Variants in PPP2R5C observed in about 807,000 individuals in gnomAD.
PPP2R5C encodes protein phosphatase 2 regulatory subunit B'gamma.
A neutral mutation model predicts 68.9 loss-of-function variants in PPP2R5C; 7 were observed. The ratio of observed to expected loss-of-function variants is 0.10; its 90% CI spans 0.06 to 0.19. The LOEUF (loss-of-function observed/expected upper bound fraction) is 0.19. Ranked by LOEUF, PPP2R5C falls within the 10% of genes least tolerant of loss-of-function variation. The pLI is 1.00. For synonymous variants in PPP2R5C, 210 were observed against 222.2 expected (o/e 0.95, Z 0.49); for missense variants, 348 against 641.3 (o/e 0.54, Z 4.94).
At chr14:101,810,233 A>C (rs1404187490) in intron 1 of PPP2R5C, 4 of 589,652 alleles carry the variant, frequency 6.8e-6, no homozygotes, top group East Asian at 5.9e-5. Context: ...TGAGGCTTGA[A>C]AGAGGCCTTG....
rs551234003 is a variant in PPP2R5C, at chr14:101,818,905, G to T, written c.94+8869G>T. 53 of 1,051,176 alleles carry T rather than the reference G, an allele frequency of 5.0e-5. 1 individual carries two copies. The South Asian group carries it at 7.1e-4, about 14-fold the overall frequency. The allele number at this position is 1,051,176 out of a possible 1,614,324, so 65.1% of individuals were successfully genotyped here. On this transcript the variant is annotated intron_variant, in intron 1 of 13. Coordinates refer to ENST00000334743, the Ensembl canonical transcript of PPP2R5C. ...CTCGTTATAATACACATGGATTTTT[G>T]TCTGCTGGTTGTGTTACTCATGAGC... is the stretch of plus-strand genomic sequence containing the variant.
intron 2 of PPP2R5C, among the ~76,000 whole-genome samples, chr14:101,876,991 C>A (rs1160303092): frequency 7.1e-6 from 1 of 141,578 alleles, no homozygotes; most frequent in Non-Finnish European, 1.5e-5. Flanking sequence ...CTCTATTGCC[C>A]AGGCTGGAGT....
chr14:101,833,883 C>T (rs914442436), intron 1 of PPP2R5C, among the ~76,000 whole-genome samples: 4 of 152,164 alleles, frequency 2.6e-5, no homozygotes, highest in African/African-American at 4.8e-5. Context: ...CTCACTGCAA[C>T]CTCTGCCTCC....
chr14:101,913,947 C>A lies in PPP2R5C; in HGVS notation c.1326+1474C>A, dbSNP rs2046519962. Among the ~76,000 whole-genome samples the A allele has an allele frequency of 6.6e-6, 1 of 152,206 alleles. No homozygotes were observed. Among genetic ancestry groups the A allele is most frequent in the African/African-American group, 2.4e-5 (1 of 41,446 alleles). On this transcript the variant is annotated intron_variant, in intron 12 of 13. Coordinates refer to ENST00000334743, the Ensembl canonical transcript of PPP2R5C. The surrounding 1 kb of genome is among the most constrained non-coding windows in gnomAD (Gnocchi z 4.1). ...TTATGTACCTAGAATATAGAGATAA[C>A]TTATTGAAAAATTGCATAAAATTGT...
chr14:101,776,341 C>CT (rs1034891229), intron 2 of PPP2R5C, among the ~76,000 whole-genome samples: 11 of 151,296 alleles, frequency 7.3e-5, no homozygotes, highest in East Asian at 1.9e-4. Context: ...GAATCAAGTC[C>CT]TTTTTTTTTA....
intron 2 of PPP2R5C, among the ~76,000 whole-genome samples, chr14:101,763,528 A>C (rs912370840): frequency 1.3e-5 from 2 of 151,836 alleles, no homozygotes; most frequent in African/African-American, 2.4e-5. Context: ...GATTACAGGC[A>C]CCCGCTACCA....
chr14:101,856,168 C>T (rs965136946), intron 1 of PPP2R5C, among the ~76,000 whole-genome samples: 4 of 152,148 alleles, frequency 2.6e-5, no homozygotes, highest in East Asian at 3.8e-4. Context: ...ATCTAGCAAG[C>T]GTGGACAACC....
intron 1 of PPP2R5C, chr14:101,819,449 G>A (rs976123781): frequency 5.1e-6 from 1 of 197,376 alleles, no homozygotes; most frequent in Non-Finnish European, 1.1e-5. Context: ...TCATCGAGCA[G>A]GACAGCGGTG....
intron 1 of PPP2R5C, among the ~76,000 whole-genome samples, chr14:101,841,221 T>G (rs1402381769): frequency 6.6e-6 from 1 of 152,200 alleles, no homozygotes; most frequent in Non-Finnish European, 1.5e-5. Context: ...GCCTGAGTTC[T>G]TAACACCTTT....
intron 5 of PPP2R5C, among the ~76,000 whole-genome samples, chr14:101,885,850 A>G (rs2140921007): frequency 6.6e-6 from 1 of 152,398 alleles, no homozygotes; most frequent in African/African-American, 2.4e-5. Flanking sequence ...ATTATTTAAC[A>G]TACAACAGGT....
intron 1 of PPP2R5C, among the ~76,000 whole-genome samples, chr14:101,847,802 A>C (rs1372109623): frequency 6.6e-6 from 1 of 151,896 alleles, no homozygotes; most frequent in East Asian, 1.9e-4. Context: ...AACTGGGACT[A>C]CAGGCACATG....
At chr14:101,901,603 C>T (rs1477562400) in intron 8 of PPP2R5C, 116 bp from the exon 11 acceptor site, 3 of 993,764 alleles carry the variant, frequency 3.0e-6, no homozygotes, top group African/African-American at 3.3e-5. Flanking sequence ...GAAGATGGCA[C>T]CATCTCCGTG....
rs11325673 is a variant in PPP2R5C, at chr14:101,924,445, C to CTTTTTTTTTTTT, written c.1444-695_1444-684dup. ...TTTACCTCCAAGGAAATTTCTACATCTTTTTTTTTTTTGAGATGGAGTCTG... is the reference window on the plus strand; with the variant it reads ...TTTACCTCCAAGGAAATTTCTACATCTTTTTTTTTTTTTTTTTTTTTTTTGAGATGGAGTCTG... On this transcript the variant is annotated intron_variant, in intron 13 of 13. Transcript: ENST00000334743. Among the ~76,000 whole-genome samples the CTTTTTTTTTTTT allele has an allele frequency of 1.4e-3, 121 of 84,480 alleles. 27 individuals are homozygous for CTTTTTTTTTTTT. Among genetic ancestry groups the CTTTTTTTTTTTT allele is most frequent in the Non-Finnish European group, 2.2e-3 (83 of 38,504 alleles). The allele number at this position is 84,480 out of a possible 152,430, so 55.4% of individuals were successfully genotyped here. A position where few individuals can be genotyped will look rare whatever the true frequency, so the allele number is the denominator to read the frequency against.
chr14:101,845,473 C>G (rs1034808354), intron 1 of PPP2R5C, among the ~76,000 whole-genome samples: 1 of 152,188 alleles, frequency 6.6e-6, no homozygotes, highest in Admixed American at 6.5e-5. Context: ...TCCACCCCAC[C>G]CTTCCCCACC....
chr14:101,866,396 AC>A (rs1410826415), intron 2 of PPP2R5C, among the ~76,000 whole-genome samples: 2 of 152,240 alleles, frequency 1.3e-5, no homozygotes, highest in South Asian at 2.1e-4. Flanking sequence ...GAGTACGGTG[AC>A]CCAGCCCTGT....
rs185897894 is a variant in PPP2R5C, at chr14:101,865,479, C to G, written c.294+8594C>G. On this transcript the variant is annotated intron_variant, in intron 2 of 13. Transcript: ENST00000334743. Reference sequence around the variant, plus strand: ...GGGAGATGGGGTACTGTGGTTGTGACTCAGACTGGGTCATGTGCCCACCAA... The same window carrying G: ...GGGAGATGGGGTACTGTGGTTGTGAGTCAGACTGGGTCATGTGCCCACCAA... 2.6e-5 allele frequency among the ~76,000 whole-genome samples: 4 copies of G among 152,330 alleles called. No individual in the cohort carries two copies. The South Asian group carries it at 8.3e-4, about 32-fold the overall frequency.
chr14:101,840,201 G>A (rs2041376530), intron 1 of PPP2R5C, among the ~76,000 whole-genome samples: 1 of 151,826 alleles, frequency 6.6e-6, no homozygotes, highest in South Asian at 2.1e-4. Flanking sequence ...TCTTTTCTCT[G>A]TTCCTGTTTA....
chr14:101,883,092 C>T, intron 3 of PPP2R5C, 165 bp from the exon 6 acceptor site: 1 of 583,460 alleles, frequency 1.7e-6, no homozygotes, highest in African/African-American at 1.9e-5. Flanking sequence ...ATTACCATCA[C>T]CATTTATCAT....
At chr14:101,868,449 T>A (rs544043791) in intron 2 of PPP2R5C, among the ~76,000 whole-genome samples, 3 of 152,358 alleles carry the variant, frequency 2.0e-5, no homozygotes, top group Admixed American at 2.0e-4. Context: ...TCTACCCATC[T>A]CTACCTCCAA....
Sources: gnomAD v4.1 joint callset for allele counts (sites outside exome capture counted in the v4.1 genomes callset) on GRCh38, gnomAD v4.1.1 for gene constraint, Gnocchi (gnomAD v3.1) non-coding constraint, MANE v1.5 for transcripts, NCBI Gene and HGNC (gene_info 2026-07-23, HGNC 2026-07-21) for gene names.